MGMT: variants seen among roughly 807,000 people sequenced by gnomAD.
MGMT encodes the protein methylated-DNA--protein-cysteine methyltransferase.
In MGMT, 14 loss-of-function variants were observed where a neutral mutation model predicts 15.9. The ratio of observed to expected loss-of-function variants is 0.88; its 90% confidence interval spans 0.58 to 1.37. MGMT has a LOEUF of 1.37. Ranked by LOEUF, MGMT falls within the 40% of genes most tolerant of loss-of-function variation. MGMT has a pLI of 0.00. For synonymous variants in MGMT, 130 were observed against 118.2 expected (o/e 1.10, Z -0.65); for missense variants, 282 against 268.1 (o/e 1.05, Z -0.36).
chr10:129,611,589 G>A (rs929522705), intron 2 of MGMT, among the ~76,000 whole-genome samples: 1 of 152,224 alleles, frequency 6.6e-6, no homozygotes. Flanking sequence ...GCATACTGCA[G>A]GATCGGGCAA....
At chr10:129,582,878 T>C (rs927376954) in intron 2 of MGMT, among the ~76,000 whole-genome samples, 2 of 152,170 alleles carry the variant, frequency 1.3e-5, no homozygotes, top group African/African-American at 4.8e-5. Context: ...TATTTCTTTT[T>C]TAGAGAAAAG....
chr10:129,767,072 G>A lies in MGMT; in HGVS notation c.*75G>A, dbSNP rs1042160213. The A allele has an allele frequency of 1.9e-5, 24 of 1,269,496 alleles. 1 individual carries two copies. In the East Asian group the frequency reaches 3.2e-4, roughly 17 times the overall value. The allele number at this position is 1,269,496 out of a possible 1,614,324, so 78.6% of individuals were successfully genotyped here. A position where few individuals can be genotyped will look rare whatever the true frequency, so the allele number is the denominator to read the frequency against. On this transcript the variant is annotated 3_prime_UTR_variant, in exon 5 of 5. Coordinates refer to ENST00000651593, the MANE Select transcript of MGMT (RefSeq NM_002412.5). ...ATCGGATGCGGGGCGTGGAGGCACC[G>A]CTGTATTAAAGGAAGTGGCAGTGTC...
intron 2 of MGMT, among the ~76,000 whole-genome samples, chr10:129,649,843 A>G (rs1477002541): frequency 6.6e-6 from 1 of 152,256 alleles, no homozygotes; most frequent in Non-Finnish European, 1.5e-5. Context: ...ATTTTTAAAC[A>G]GGACAAATTA....
intron 2 of MGMT, among the ~76,000 whole-genome samples, chr10:129,707,092 A>G (rs568824019): frequency 1.3e-5 from 2 of 152,182 alleles, no homozygotes; most frequent in Admixed American, 6.5e-5. Flanking sequence ...TGAAGCCAAC[A>G]TGGAGAAACC....
chr10:129,760,333 T>G (rs909415736), intron 4 of MGMT, among the ~76,000 whole-genome samples: 1 of 152,196 alleles, frequency 6.6e-6, no homozygotes, highest in African/African-American at 2.4e-5. Context: ...CCCTGGAATA[T>G]TCACCCAGTG....
intron 2 of MGMT, among the ~76,000 whole-genome samples, chr10:129,568,513 A>G (rs926958480): frequency 2.0e-5 from 3 of 152,200 alleles, no homozygotes; most frequent in African/African-American, 7.2e-5. Context: ...TCTTGGTCCA[A>G]ACTATCATAG....
At chr10:129,534,058 C>T (rs536311139) in intron 1 of MGMT, among the ~76,000 whole-genome samples, 7 of 152,284 alleles carry the variant, frequency 4.6e-5, no homozygotes, top group Non-Finnish European at 8.8e-5. Context: ...TCTTTGCATA[C>T]GTTCCCTCTA....
chr10:129,669,299 G>A (rs1335235918), intron 2 of MGMT, among the ~76,000 whole-genome samples: 2 of 152,056 alleles, frequency 1.3e-5, no homozygotes, highest in African/African-American at 2.4e-5. Context: ...CTAAAAAGCT[G>A]GAACTATGGA....
At chr10:129,565,637 C>G (rs1392988875) in intron 2 of MGMT, among the ~76,000 whole-genome samples, 1 of 152,156 alleles carries the variant, frequency 6.6e-6, no homozygotes, top group Non-Finnish European at 1.5e-5. Flanking sequence ...GCACCTGTAA[C>G]AGGAGCCGCG....
chr10:129,732,083 T>C (rs1188939749), intron 3 of MGMT, among the ~76,000 whole-genome samples: 1 of 152,218 alleles, frequency 6.6e-6, no homozygotes, highest in Non-Finnish European at 1.5e-5. Context: ...AGAATCTCTG[T>C]TCTAAAAAGT....
At chr10:129,617,090 A>G (rs1022235630) in intron 2 of MGMT, among the ~76,000 whole-genome samples, 3 of 152,168 alleles carry the variant, frequency 2.0e-5, no homozygotes, top group African/African-American at 7.2e-5. Flanking sequence ...CATGATAAGC[A>G]TAGTACCCAA....
chr10:129,614,672 G>A (rs1847002307), intron 2 of MGMT, among the ~76,000 whole-genome samples: 1 of 152,188 alleles, frequency 6.6e-6, no homozygotes, highest in Non-Finnish European at 1.5e-5. Context: ...TGACCTCGAT[G>A]TTGCCCATGA....
Position 129,767,071 on chromosome 10 carries a change from C to A in MGMT, c.*74C>A. On this transcript the variant is annotated 3_prime_UTR_variant, in exon 5 of 5. Transcript: ENST00000651593. ...CATCGGATGCGGGGCGTGGAGGCAC[C>A]GCTGTATTAAAGGAAGTGGCAGTGT... The A allele has an allele frequency of 1.6e-6, 2 of 1,271,992 alleles. No homozygotes were observed. Among genetic ancestry groups the A allele is most frequent in the East Asian group, 2.5e-5 (1 of 40,400 alleles). 78.8% of individuals were successfully genotyped at this position (1,271,992 alleles called of 1,614,324 possible).
At chr10:129,596,095 G>GCCCTGCCCCT (rs1202673522) in intron 2 of MGMT, among the ~76,000 whole-genome samples, 11 of 139,976 alleles carry the variant, frequency 7.9e-5, no homozygotes, top group South Asian at 2.6e-4. Flanking sequence ...CCCCTGCCCC[G>GCCCTGCCCCT]CCCTGCCCCT....
chr10:129,740,578 G>A (rs916380673), intron 3 of MGMT, among the ~76,000 whole-genome samples: 5 of 152,146 alleles, frequency 3.3e-5, no homozygotes, highest in Admixed American at 3.3e-4. Flanking sequence ...TACTGTTGTG[G>A]GAACCTCATT....
intron 1 of MGMT, among the ~76,000 whole-genome samples, chr10:129,478,150 A>G (rs1203531467): frequency 6.6e-6 from 1 of 152,236 alleles, no homozygotes; most frequent in East Asian, 1.9e-4. Flanking sequence ...GATGGGAAGG[A>G]GAGACCAGCT....
chr10:129,623,826 T>C (rs1847116450), intron 2 of MGMT, among the ~76,000 whole-genome samples: 1 of 152,168 alleles, frequency 6.6e-6, no homozygotes. Flanking sequence ...CAGCCTAATC[T>C]ATATAACCTT....
intron 3 of MGMT, among the ~76,000 whole-genome samples, chr10:129,729,257 G>A (rs540549765): frequency 6.6e-6 from 1 of 152,348 alleles, no homozygotes; most frequent in South Asian, 2.1e-4. Context: ...CCCACGGGCT[G>A]TGTCTGATGG....
intron 1 of MGMT, among the ~76,000 whole-genome samples, chr10:129,516,609 C>T (rs965584131): frequency 2.0e-4 from 30 of 152,148 alleles, no homozygotes; most frequent in Non-Finnish European, 2.9e-5. Flanking sequence ...AATTCCTCTT[C>T]AATGGAAATC....
Sources: gnomAD v4.1 joint callset for allele counts (sites outside exome capture counted in the v4.1 genomes callset) on GRCh38, gnomAD v4.1.1 for gene constraint, MANE v1.5 for transcripts, NCBI Gene and HGNC (gene_info 2026-07-23, HGNC 2026-07-21) for gene names.